Variants in FAM219A observed in about 807,000 individuals in gnomAD.
The protein encoded by FAM219A is protein FAM219A.
Under a neutral mutation model 23.4 loss-of-function variants are expected in FAM219A, and 7 were observed. That is an observed-to-expected ratio of 0.30 (90% CI 0.17 to 0.56). The LOEUF (loss-of-function observed/expected upper bound fraction) is 0.56, where lower values mean the gene tolerates loss of function less well. Among genes scored for constraint, FAM219A ranks in the 20% least tolerant of loss-of-function variants. The pLI, the probability that FAM219A is intolerant of heterozygous loss-of-function variation, is 0.92. For missense variants in FAM219A, 166 were observed against 246.9 expected (o/e 0.67, Z 2.20); for synonymous variants, 93 against 99.0 (o/e 0.94, Z 0.36).
At position 34,401,030 on chromosome 9, in the gene FAM219A, G is replaced by T. The variant is rs202019820; in HGVS notation, c.492C>A (p.Pro164=). ...PDDEDLDLIP[P]KSVNPTCMCC... is the part of the protein sequence containing the mutation. The stretch of plus-strand genomic sequence containing the variant: ...ACATGCACGTGGGGTTCACGGACTT[G>T]GGGGGGATGAGGTCTAGGTCCTCGT... The change falls in exon 6 of 6, where the codon CCC becomes CCA. Residue 164 remains proline (P), a synonymous_variant. Coordinates refer to ENST00000651358, the MANE Select transcript of FAM219A (RefSeq NM_001184940.2). 14 of 1,603,062 alleles carry T rather than the reference G, an allele frequency of 8.7e-6. No homozygotes were observed. The East Asian group carries it at 2.9e-4, about 34-fold the overall frequency.
intron 1 of FAM219A, among the ~76,000 whole-genome samples, chr9:34,428,017 C>G (rs1339602843): frequency 6.6e-6 from 1 of 152,192 alleles, no homozygotes; most frequent in African/African-American, 2.4e-5. Flanking sequence ...TAAGATCAGC[C>G]ATTAGCTTGC....
chr9:34,400,691 T>C lies in FAM219A; in HGVS notation c.*273A>G. 1 of 348,620 alleles carries C rather than the reference T, an allele frequency of 2.9e-6. No individual in the cohort carries two copies. Among genetic ancestry groups the C allele is most frequent in the Non-Finnish European group, 5.2e-6 (1 of 192,686 alleles). The allele number at this position is 348,620 out of a possible 1,614,324, so 21.6% of individuals were successfully genotyped here. Reference sequence around the variant, plus strand: ...GCCAGCCCTGGGAAGCGGGGCAGGGTGCTGGGTGAGGTTCCCCCAGGTAAC... The same window carrying C: ...GCCAGCCCTGGGAAGCGGGGCAGGGCGCTGGGTGAGGTTCCCCCAGGTAAC... On this transcript the variant is annotated 3_prime_UTR_variant, in exon 6 of 6. Transcript: ENST00000651358.
At chr9:34,406,608 T>C (rs1024031821) in intron 1 of FAM219A, 1 of 409,124 alleles carries the variant, frequency 2.4e-6, no homozygotes, top group Non-Finnish European at 3.3e-6. Flanking sequence ...AGAAGACAAA[T>C]AATGACAAAC....
At chr9:34,406,597 G>T in intron 1 of FAM219A, 2 of 506,004 alleles carry the variant, frequency 4.0e-6, no homozygotes, top group Non-Finnish European at 5.1e-6. Flanking sequence ...TACAGTAGGT[G>T]AGAAGACAAA....
chr9:34,452,513 T>C, intron 1 of FAM219A, among the ~76,000 whole-genome samples: 1 of 152,250 alleles, frequency 6.6e-6, no homozygotes, highest in South Asian at 2.1e-4. Context: ...ACCTTATTAG[T>C]ATCTGTGTAT....
chr9:34,400,884 G>A lies in FAM219A; in HGVS notation c.*80C>T, dbSNP rs916385007. On this transcript the variant is annotated 3_prime_UTR_variant, in exon 6 of 6. Coordinates refer to ENST00000651358, the MANE Select transcript of FAM219A (RefSeq NM_001184940.2). ...GGCGCGGGGCCGGGGGCAGGCAGAC[G>A]AGCTGGGAAGGGGTCGGCCTCTGCC... 8.2e-5 allele frequency: 114 copies of A among 1,394,386 alleles called. No homozygotes were observed. Among genetic ancestry groups the A allele is most frequent in the Non-Finnish European group, 9.9e-5 (105 of 1,064,390 alleles). 86.4% of individuals were successfully genotyped at this position (1,394,386 alleles called of 1,614,324 possible).
At chr9:34,447,342 C>T (rs35051460) in intron 1 of FAM219A, among the ~76,000 whole-genome samples, 18,340 of 152,196 alleles carry the variant, frequency 0.12, 1,426 homozygotes, top group Non-Finnish European at 0.18. Context: ...GCTCAACTGA[C>T]AATAATAGAA....
chr9:34,432,750 C>G (rs978948613), intron 1 of FAM219A, among the ~76,000 whole-genome samples: 1 of 152,230 alleles, frequency 6.6e-6, no homozygotes, highest in Non-Finnish European at 1.5e-5. Context: ...CAGCCTCGTT[C>G]TGCCTTTTAA....
intron 1 of FAM219A, among the ~76,000 whole-genome samples, chr9:34,416,234 AGAAAGAAAG>A: frequency 7.6e-6 from 1 of 130,992 alleles, no homozygotes; most frequent in African/African-American, 2.9e-5. Flanking sequence ...AAAGAAAGAA[AGAAAGAAAG>A]AAAGAAAGAA....
In FAM219A at chr9:34,457,863, T is replaced by C. The variant is rs1204870415; in HGVS notation, c.60+341A>G. Among the ~76,000 whole-genome samples the C allele has an allele frequency of 2.3e-4, 35 of 152,148 alleles. No individual in the cohort carries two copies. The highest frequency in any genetic ancestry group is 2.0e-3 in the Admixed American group (31 of 15,276). On this transcript the variant is annotated intron_variant, in intron 1 of 5. Coordinates refer to ENST00000651358, the MANE Select transcript of FAM219A (RefSeq NM_001184940.2). The surrounding 1 kb of genome is among the most constrained non-coding windows in gnomAD (Gnocchi z 5.1). ...CTCCCCACCTCCCATCCCAGACCCCTGGGCCTGCCGCCGGCGGTGCCCCAT... is the reference window on the plus strand; with the variant it reads ...CTCCCCACCTCCCATCCCAGACCCCCGGGCCTGCCGCCGGCGGTGCCCCAT...
Position 34,413,838 on chromosome 9 carries a change from G to C in FAM219A, c.61-7874C>G, listed in dbSNP as rs145192596. ...GAAGGATAGTGCTGATAAGAAATGG[G>C]AAGTCAGGGAAGGTGTGTGGCTCAG... is the stretch of plus-strand genomic sequence containing the variant. On this transcript the variant is annotated intron_variant, in intron 1 of 5. Transcript: ENST00000651358. 5.3e-5 allele frequency among the ~76,000 whole-genome samples: 8 copies of C among 152,326 alleles called. No homozygotes were observed. In the East Asian group the frequency reaches 1.5e-3, roughly 29 times the overall value.
chr9:34,452,417 G>T (rs1044240759), intron 1 of FAM219A, among the ~76,000 whole-genome samples: 1 of 152,132 alleles, frequency 6.6e-6, no homozygotes, highest in Non-Finnish European at 1.5e-5. Context: ...CTCCATCCAG[G>T]TGTCCATGCC....
chr9:34,456,053 C>T (rs1564021764), intron 1 of FAM219A, among the ~76,000 whole-genome samples: 1 of 152,068 alleles, frequency 6.6e-6, no homozygotes, highest in East Asian at 1.9e-4. Flanking sequence ...ATTAGCCATG[C>T]GTGGTGGCAG....
At chr9:34,436,857 T>C (rs1445075512) in intron 1 of FAM219A, among the ~76,000 whole-genome samples, 1 of 152,220 alleles carries the variant, frequency 6.6e-6, no homozygotes, top group Non-Finnish European at 1.5e-5. Flanking sequence ...TTTGCAAGGC[T>C]GGTGTTAGAA....
chr9:34,447,340 G>A (rs1823409107), intron 1 of FAM219A, among the ~76,000 whole-genome samples: 1 of 152,180 alleles, frequency 6.6e-6, no homozygotes, highest in Non-Finnish European at 1.5e-5. Context: ...AAGCTCAACT[G>A]ACAATAATAG....
At chr9:34,411,078 C>T (rs1821803289) in intron 1 of FAM219A, among the ~76,000 whole-genome samples, 1 of 152,138 alleles carries the variant, frequency 6.6e-6, no homozygotes, top group Non-Finnish European at 1.5e-5. Context: ...AGCTGTAGCC[C>T]TGACACCACA....
Position 34,402,445 on chromosome 9 carries a change from A to G in FAM219A, c.286T>C (p.Tyr96His). The G allele has an allele frequency of 1.2e-6, 2 of 1,614,198 alleles. No individual in the cohort carries two copies. The highest frequency in any genetic ancestry group is 1.7e-6 in the Non-Finnish European group (2 of 1,180,020). ...TCAGGGCTCTGGTCAAGTGAGGAGT[A>G]GCCTTTATTGGGGACGACCAGCCTA... ...RTRLVVPNKG[Y>H]SSLDQSPDEK... is the part of the protein sequence containing the mutation. The change falls in exon 4 of 6, where the codon TAC becomes CAC. Residue 96 changes from tyrosine (Y) to histidine (H), a missense_variant. Coordinates refer to ENST00000651358, the MANE Select transcript of FAM219A (RefSeq NM_001184940.2).
chr9:34,407,144 C>G (rs1821666366), intron 1 of FAM219A, among the ~76,000 whole-genome samples: 1 of 152,032 alleles, frequency 6.6e-6, no homozygotes, highest in Admixed American at 6.6e-5. Context: ...AAACACCCTC[C>G]TCTGCTGCAA....
Position 34,452,832 on chromosome 9 carries a change from C to T in FAM219A, c.60+5372G>A, listed in dbSNP as rs189631258. ...CTCTATGAAGCCTTCCCTGACCACT[C>T]GATGAGAGCCCTTCCTGCTTTCATT... On this transcript the variant is annotated intron_variant, in intron 1 of 5. Transcript: ENST00000651358. Among the ~76,000 whole-genome samples the T allele has an allele frequency of 2.6e-5, 4 of 152,242 alleles. No homozygotes were observed. The East Asian group carries it at 5.8e-4, about 22-fold the overall frequency.
Sources: gnomAD v4.1 joint callset for allele counts (sites outside exome capture counted in the v4.1 genomes callset) on GRCh38, gnomAD v4.1.1 for gene constraint, Gnocchi (gnomAD v3.1) non-coding constraint, MANE v1.5 for transcripts, NCBI Gene and HGNC (gene_info 2026-07-23, HGNC 2026-07-21) for gene names.